Variants in DAAM1 observed in about 807,000 individuals in gnomAD.
The protein encoded by DAAM1 is disheveled-associated activator of morphogenesis 1.
In DAAM1, 52 loss-of-function variants were observed where a neutral mutation model predicts 130.0. The observed-to-expected ratio is 0.40, with a 90% CI of 0.32 to 0.50. The LOEUF is 0.50. Ranked by LOEUF, DAAM1 falls within the 20% of genes least tolerant of loss-of-function variation. DAAM1 has a pLI of 0.61. For missense variants in DAAM1, 1,134 were observed against 1,303.8 expected (o/e 0.87, Z 2.01); for synonymous variants, 452 against 444.5 (o/e 1.02, Z -0.21).
At position 59,274,876 on chromosome 14, in the gene DAAM1, A is replaced by G. The variant is rs1017650997; in HGVS notation, c.183+11216A>G. On this transcript the variant is annotated intron_variant, in intron 2 of 24. Transcript: ENST00000360909. ...AAGTGGTTGGCATGAAAGTTAGCAG[A>G]TTAAAAGGATAAGGGTGACAATGTT... is the stretch of plus-strand genomic sequence containing the variant. Among the ~76,000 whole-genome samples, 23 of 152,358 alleles carry G rather than the reference A, an allele frequency of 1.5e-4. 1 individual carries two copies. Among genetic ancestry groups the G allele is most frequent in the Admixed American group, 8.5e-4 (13 of 15,306 alleles).
At chr14:59,218,394 C>G (rs1215759907) in intron 1 of DAAM1, among the ~76,000 whole-genome samples, 1 of 152,136 alleles carries the variant, frequency 6.6e-6, no homozygotes, top group Non-Finnish European at 1.5e-5. Flanking sequence ...GTTGCCTGTT[C>G]CTAGCCTAGA....
At chr14:59,240,239 C>A (rs1051672930) in intron 1 of DAAM1, among the ~76,000 whole-genome samples, 1 of 152,168 alleles carries the variant, frequency 6.6e-6, no homozygotes, top group African/African-American at 2.4e-5. Flanking sequence ...ATTATTACTT[C>A]ATCTCTCGAG....
At position 59,331,599 on chromosome 14, in the gene DAAM1, A is replaced by G. The variant is rs935261996; in HGVS notation, c.1860+91A>G. 13 of 1,510,816 alleles carry G rather than the reference A, an allele frequency of 8.6e-6. No homozygotes were observed. In the Admixed American group the frequency reaches 1.4e-4, roughly 16 times the overall value. The allele number at this position is 1,510,816 out of a possible 1,614,324, so 93.6% of individuals were successfully genotyped here. On this transcript the variant is annotated intron_variant, in intron 14 of 24. Coordinates refer to ENST00000360909, the MANE Select transcript of DAAM1 (RefSeq NM_001270520.2). ...AAGGGAAAACAGCCCTGGCTGTTAA[A>G]TGATTTCATTTTCTAATGTGGACCA...
intron 15 of DAAM1, among the ~76,000 whole-genome samples, chr14:59,333,725 A>T (rs541932758): frequency 3.3e-4 from 50 of 152,344 alleles, no homozygotes; most frequent in African/African-American, 1.1e-3. Context: ...GTTCCAAATG[A>T]TGCTATTCAA....
intron 16 of DAAM1, among the ~76,000 whole-genome samples, chr14:59,341,995 A>G (rs1437545695): frequency 6.6e-6 from 1 of 152,198 alleles, no homozygotes; most frequent in African/African-American, 2.4e-5. Context: ...AGATATAGAT[A>G]AGGTTACATC....
At chr14:59,197,914 T>A (rs1044612616) in intron 1 of DAAM1, among the ~76,000 whole-genome samples, 4 of 152,176 alleles carry the variant, frequency 2.6e-5, no homozygotes, top group African/African-American at 9.7e-5. Context: ...TAGCTTAGAA[T>A]GAGAGCTGTG....
chr14:59,306,826 G>C (rs1161117316), intron 3 of DAAM1, among the ~76,000 whole-genome samples: 1 of 152,152 alleles, frequency 6.6e-6, no homozygotes, highest in Non-Finnish European at 1.5e-5. Context: ...TTAGTGGTCT[G>C]AAGTTTGAGA....
intron 2 of DAAM1, among the ~76,000 whole-genome samples, chr14:59,275,099 C>T (rs890377815): frequency 2.0e-5 from 3 of 152,258 alleles, no homozygotes; most frequent in South Asian, 2.1e-4. Flanking sequence ...CTGGTGCTAT[C>T]GAAGGAGGTG....
chr14:59,202,246 C>T (rs947250718), intron 1 of DAAM1, among the ~76,000 whole-genome samples: 4 of 152,196 alleles, frequency 2.6e-5, no homozygotes, highest in African/African-American at 9.7e-5. Context: ...AGGTCCGTTT[C>T]AAGTTTCCCT....
chr14:59,363,529 C>G, intron 22 of DAAM1, 122 bp from the exon 23 acceptor site: 1 of 1,401,086 alleles, frequency 7.1e-7, no homozygotes, highest in Non-Finnish European at 9.6e-7. Flanking sequence ...TGTTTTAGAA[C>G]AAGTTTTGAT....
At chr14:59,318,184 C>T (rs1566700479) in intron 4 of DAAM1, among the ~76,000 whole-genome samples, 4 of 151,866 alleles carry the variant, frequency 2.6e-5, no homozygotes, top group Admixed American at 6.6e-5. Context: ...TGTGGTTTCT[C>T]CATGCTTTCT....
At chr14:59,274,919 C>T (rs543594964) in intron 2 of DAAM1, among the ~76,000 whole-genome samples, 1 of 152,320 alleles carries the variant, frequency 6.6e-6, no homozygotes, top group South Asian at 2.1e-4. Flanking sequence ...TATTCTTTCT[C>T]TTTAAAAGTC....
intron 2 of DAAM1, among the ~76,000 whole-genome samples, chr14:59,287,638 C>A (rs1041749844): frequency 1.3e-5 from 2 of 152,108 alleles, no homozygotes; most frequent in Non-Finnish European, 2.9e-5. Context: ...CAATAACATT[C>A]AAGTTCAGAC....
chr14:59,352,544 GA>G lies in DAAM1; in HGVS notation c.2185del (p.Ser729ValfsTer26). ...MLEQLLKFVP[E>X]KSDIDLLEEH... ...TTTTCAGCTCTTGAAATTTGTTCCTGAAAAAAGTGACATTGACCTATTGGAG... is the reference window on the plus strand; with the variant it reads ...TTTTCAGCTCTTGAAATTTGTTCCTGAAAAAGTGACATTGACCTATTGGAG... On this transcript the variant is annotated frameshift_variant, in exon 18 of 25. Transcript: ENST00000360909. LOFTEE classifies it high-confidence loss of function. The G allele has an allele frequency of 1.2e-6, 2 of 1,613,148 alleles. No homozygotes were observed. Among genetic ancestry groups the G allele is most frequent in the South Asian group, 1.1e-5 (1 of 90,768 alleles).
intron 23 of DAAM1, among the ~76,000 whole-genome samples, chr14:59,364,584 C>A (rs530560863): frequency 2.0e-5 from 3 of 152,122 alleles, no homozygotes; most frequent in African/African-American, 7.2e-5. Context: ...CTTCCCCACC[C>A]CATTGGTTCT....
At chr14:59,211,556 A>G (rs1888426591) in intron 1 of DAAM1, among the ~76,000 whole-genome samples, 1 of 152,242 alleles carries the variant, frequency 6.6e-6, no homozygotes, top group African/African-American at 2.4e-5. Flanking sequence ...TGCAAAAATG[A>G]ATATTTCTCC....
At chr14:59,230,081 T>A (rs998592980) in intron 1 of DAAM1, among the ~76,000 whole-genome samples, 1 of 152,234 alleles carries the variant, frequency 6.6e-6, no homozygotes. Context: ...TCAGCTGTGA[T>A]GTAGTTGAGA....
intron 1 of DAAM1, among the ~76,000 whole-genome samples, chr14:59,196,603 C>T (rs1887901584): frequency 1.3e-5 from 2 of 151,958 alleles, no homozygotes; most frequent in African/African-American, 4.8e-5. Flanking sequence ...ATTAGCCGGG[C>T]GTGGTGGCGG....
At chr14:59,360,896 G>A (rs377524280) in intron 22 of DAAM1, 34 bp downstream of exon 22, 1 of 1,602,412 alleles carries the variant, frequency 6.2e-7, no homozygotes, top group Non-Finnish European at 8.5e-7. Flanking sequence ...CTAATTCCTG[G>A]TCTCTTCACT....
Sources: gnomAD v4.1 joint callset for allele counts (sites outside exome capture counted in the v4.1 genomes callset) on GRCh38, gnomAD v4.1.1 for gene constraint, MANE v1.5 for transcripts, NCBI Gene and HGNC (gene_info 2026-07-23, HGNC 2026-07-21) for gene names.